The following SORCS1 variants were observed in gnomAD, a reference collection of about 807,000 sequenced individuals.
SORCS1 encodes the protein sortilin related VPS10 domain containing receptor 1.
SORCS1 carries 60 observed loss-of-function variants against 146.1 expected under a neutral mutation model. The ratio of observed to expected loss-of-function variants is 0.41; its 90% CI spans 0.33 to 0.51. SORCS1 has a LOEUF of 0.51. Among genes scored for constraint, SORCS1 ranks in the 20% least tolerant of loss-of-function variants. The probability of loss-of-function intolerance (pLI) is 0.21; values close to 1 mark genes in which losing one functional copy is unlikely to be tolerated. For synonymous variants in SORCS1, 637 were observed against 584.0 expected (o/e 1.09, Z -1.31); for missense variants, 1,352 against 1,487.6 (o/e 0.91, Z 1.50).
chr10:106,963,137 A>ATTTTT, intron 1 of SORCS1, among the ~76,000 whole-genome samples: 2 of 15,916 alleles, frequency 1.3e-4, no homozygotes, highest in Non-Finnish European at 3.4e-4. Context: ...TTTTTTTTTG[A>ATTTTT]GACAGTCTTG....
At chr10:106,862,017 C>T (rs1388747581) in intron 2 of SORCS1, among the ~76,000 whole-genome samples, 1 of 152,090 alleles carries the variant, frequency 6.6e-6, no homozygotes, top group Non-Finnish European at 1.5e-5. Flanking sequence ...GCTTTTGTTA[C>T]CTTTAGTTTT....
At chr10:107,025,166 AG>A (rs1958344517) in intron 1 of SORCS1, among the ~76,000 whole-genome samples, 1 of 152,244 alleles carries the variant, frequency 6.6e-6, no homozygotes, top group Non-Finnish European at 1.5e-5. Context: ...TGGGTTGCTT[AG>A]GTAGTAAAAA....
intron 2 of SORCS1, among the ~76,000 whole-genome samples, chr10:106,855,496 T>C (rs192336338): frequency 2.6e-4 from 39 of 152,302 alleles, no homozygotes; most frequent in African/African-American, 7.9e-4. Context: ...TTCTCTTTCT[T>C]TCCCTTCTGT....
intron 8 of SORCS1, among the ~76,000 whole-genome samples, chr10:106,703,973 C>T (rs533262952): frequency 7.2e-5 from 11 of 152,316 alleles, no homozygotes; most frequent in African/African-American, 1.4e-4. Flanking sequence ...ATGGAACATG[C>T]TCTTCTGGGA....
At chr10:106,693,284 A>G (rs1853437451) in intron 9 of SORCS1, among the ~76,000 whole-genome samples, 1 of 152,198 alleles carries the variant, frequency 6.6e-6, no homozygotes, top group Admixed American at 6.5e-5. Flanking sequence ...ATTTTACAGA[A>G]GAGAAAACTG....
intron 2 of SORCS1, among the ~76,000 whole-genome samples, chr10:106,878,646 A>ATATATATATATATTTATTTATT (rs1200849744): frequency 8.5e-6 from 1 of 117,886 alleles, no homozygotes; most frequent in Non-Finnish European, 1.9e-5. Context: ...ATATATATAT[A>ATATATATATATATTTATTTATT]TATTTTATAG....
chr10:106,714,595 G>T (rs1021118240), intron 6 of SORCS1, among the ~76,000 whole-genome samples: 4 of 152,034 alleles, frequency 2.6e-5, no homozygotes, highest in Non-Finnish European at 5.9e-5. Flanking sequence ...ACCAAAATAC[G>T]TGCATTATGG....
At chr10:107,097,641 G>A (rs556325680) in intron 1 of SORCS1, among the ~76,000 whole-genome samples, 1 of 152,236 alleles carries the variant, frequency 6.6e-6, no homozygotes, top group East Asian at 1.9e-4. Flanking sequence ...CTTCTTACCT[G>A]TGCCTGCAGC....
At chr10:107,097,642 T>G (rs1964632595) in intron 1 of SORCS1, among the ~76,000 whole-genome samples, 1 of 152,182 alleles carries the variant, frequency 6.6e-6, no homozygotes, top group Non-Finnish European at 1.5e-5. Flanking sequence ...TTCTTACCTG[T>G]GCCTGCAGCT....
At chr10:106,803,251 T>C (rs1947000214) in intron 3 of SORCS1, among the ~76,000 whole-genome samples, 1 of 152,194 alleles carries the variant, frequency 6.6e-6, no homozygotes. Flanking sequence ...GGTAGTATTC[T>C]TGATGAAACA....
chr10:106,948,585 G>A (rs2138862794), intron 2 of SORCS1, among the ~76,000 whole-genome samples: 1 of 151,818 alleles, frequency 6.6e-6, no homozygotes, highest in Admixed American at 6.6e-5. Flanking sequence ...GAGGCTGGAG[G>A]ACTGCTTGTG....
Position 106,604,652 on chromosome 10 carries a change from C to T in SORCS1, c.3165+2514G>A, listed in dbSNP as rs555118552. On this transcript the variant is annotated intron_variant, in intron 23 of 25. Transcript: ENST00000263054. ...TGAGCTCATGCCATTCAGATACATT[C>T]CTTCCTTATTGTCCTTGTTTTTCTC... Among the ~76,000 whole-genome samples the T allele has an allele frequency of 1.4e-4, 21 of 152,260 alleles. No homozygotes were observed. The East Asian group carries it at 3.7e-3, about 27-fold the overall frequency.
chr10:106,914,803 G>C (rs552367951), intron 2 of SORCS1, among the ~76,000 whole-genome samples: 1 of 152,146 alleles, frequency 6.6e-6, no homozygotes, highest in Non-Finnish European at 1.5e-5. Flanking sequence ...AATTATGGCG[G>C]TGGAAGTGGT....
intron 1 of SORCS1, among the ~76,000 whole-genome samples, chr10:107,008,724 G>A (rs999269797): frequency 2.2e-4 from 33 of 152,200 alleles, no homozygotes; most frequent in African/African-American, 8.0e-4. Flanking sequence ...TGGGCCGGGT[G>A]CGGTGGCTCA....
intron 1 of SORCS1, among the ~76,000 whole-genome samples, chr10:107,144,416 A>T (rs545441894): frequency 1.3e-5 from 2 of 152,352 alleles, no homozygotes; most frequent in South Asian, 4.1e-4. Flanking sequence ...GGGCACATGC[A>T]TCCATATTTT....
chr10:107,003,261 GAA>G (rs59187971), intron 1 of SORCS1, among the ~76,000 whole-genome samples: 1 of 147,264 alleles, frequency 6.8e-6, no homozygotes, highest in South Asian at 2.1e-4. Context: ...TCTCAAAAAG[GAA>G]AAAAAAAAGT....
intron 1 of SORCS1, among the ~76,000 whole-genome samples, chr10:107,016,295 T>A (rs769447349): frequency 1.3e-5 from 2 of 152,184 alleles, no homozygotes; most frequent in African/African-American, 2.4e-5. Context: ...TACGTCCATA[T>A]GGGAAAACAG....
intron 2 of SORCS1, among the ~76,000 whole-genome samples, chr10:106,914,244 G>GTTTTTTT (rs1045547443): frequency 2.6e-5 from 4 of 151,890 alleles, no homozygotes; most frequent in African/African-American, 7.3e-5. Context: ...TTCTTATGCT[G>GTTTTTTT]TTTTTTTTCT....
At chr10:107,051,155 T>C (rs990632604) in intron 1 of SORCS1, among the ~76,000 whole-genome samples, 3 of 152,258 alleles carry the variant, frequency 2.0e-5, no homozygotes, top group Admixed American at 2.0e-4. Context: ...TATAGTTTAG[T>C]GGATGGCAGC....
Sources: allele counts gnomAD v4.1 joint callset (sites outside exome capture counted in the v4.1 genomes callset), GRCh38; gene constraint gnomAD v4.1.1; transcripts MANE v1.5; gene names NCBI Gene and HGNC (gene_info 2026-07-23, HGNC 2026-07-21).